ANKDD1A: variants seen among roughly 807,000 people sequenced by gnomAD.
The protein encoded by ANKDD1A is ankyrin repeat and death domain containing 1A, also known as ankyrin repeat and death domain-containing protein 1A.
In ANKDD1A, 59 loss-of-function variants were observed where a neutral mutation model predicts 63.5. The observed-to-expected ratio is 0.93, with a 90% CI of 0.75 to 1.15. The LOEUF is 1.15. ANKDD1A is among the 50% of genes most tolerant of loss of function. ANKDD1A has a pLI of 0.00. For missense variants in ANKDD1A, 632 were observed against 656.4 expected (o/e 0.96, Z 0.41); for synonymous variants, 266 against 263.9 (o/e 1.01, Z -0.08).
chr15:64,921,645 G>A (rs1383023060), intron 3 of ANKDD1A, among the ~76,000 whole-genome samples: 1 of 152,154 alleles, frequency 6.6e-6, no homozygotes, highest in African/African-American at 2.4e-5. Flanking sequence ...AAAGTGCTGG[G>A]ATTACAGGCG....
At chr15:64,952,668 T>TCCTCC (rs2085316579) in intron 14 of ANKDD1A, among the ~76,000 whole-genome samples, 27 of 36,154 alleles carry the variant, frequency 7.5e-4, no homozygotes, top group South Asian at 5.5e-3. Context: ...CTTCCCCTTC[T>TCCTCC]TCCTTCTTCT....
chr15:64,912,837 A>G (rs960450818), intron 1 of ANKDD1A, among the ~76,000 whole-genome samples: 2 of 152,222 alleles, frequency 1.3e-5, no homozygotes, highest in South Asian at 4.1e-4. Context: ...GGGGGTGGGA[A>G]TGCTCAATCA....
In ANKDD1A at chr15:64,931,481, T is replaced by C; in HGVS notation, c.670-6T>C. Reference sequence around the variant, plus strand: ...CCATCCTCATTGCTCTTCTTGTGTGTTGCAGGAAGGTCTGACTGCCCTGCA... The same window carrying C: ...CCATCCTCATTGCTCTTCTTGTGTGCTGCAGGAAGGTCTGACTGCCCTGCA... On this transcript the variant is annotated splice_polypyrimidine_tract_variant and splice_region_variant and intron_variant, in intron 7 of 14. Transcript: ENST00000319580. 1 of 1,613,024 alleles carries C rather than the reference T, an allele frequency of 6.2e-7. No individual in the cohort carries two copies. Among genetic ancestry groups the C allele is most frequent in the East Asian group, 2.2e-5 (1 of 44,856 alleles).
intron 9 of ANKDD1A, among the ~76,000 whole-genome samples, chr15:64,940,951 C>G (rs1265131885): frequency 1.3e-5 from 2 of 152,124 alleles, no homozygotes; most frequent in African/African-American, 2.4e-5. Context: ...CTATGTTGTC[C>G]AGGCTGATCT....
At chr15:64,951,557 T>TCTTCTG (rs2085277896) in intron 14 of ANKDD1A, 2 of 10,438 alleles carry the variant, frequency 1.9e-4, no homozygotes, top group Non-Finnish European at 1.5e-3. Context: ...TTCTCTTCTT[T>TCTTCTG]CTTTTTCTTT....
intron 14 of ANKDD1A, chr15:64,950,176 G>A: frequency 2.0e-6 from 2 of 985,378 alleles, no homozygotes; most frequent in Non-Finnish European, 2.4e-6. Flanking sequence ...GTGCAATGAG[G>A]GTGTTGGCCC....
At chr15:64,912,279 A>G (rs556448602) in intron 1 of ANKDD1A, among the ~76,000 whole-genome samples, 10 of 152,274 alleles carry the variant, frequency 6.6e-5, no homozygotes, top group African/African-American at 2.2e-4. Flanking sequence ...GACCCAGGAG[A>G]GGCACGTCAT....
At chr15:64,951,353 CT>C in intron 14 of ANKDD1A, 8 of 515,050 alleles carry the variant, frequency 1.6e-5, no homozygotes, top group South Asian at 8.7e-5. Flanking sequence ...CTTTCCTCTT[CT>C]TTCTTCTTCC....
chr15:64,937,040 T>G, intron 9 of ANKDD1A, among the ~76,000 whole-genome samples: 1 of 152,186 alleles, frequency 6.6e-6, no homozygotes. Context: ...CCAAAAGTTT[T>G]GCCAAGTGGA....
chr15:64,919,184 A>G (rs1017716865), intron 3 of ANKDD1A, among the ~76,000 whole-genome samples: 1 of 152,114 alleles, frequency 6.6e-6, no homozygotes, highest in African/African-American at 2.4e-5. Context: ...ACTGTGATGT[A>G]TCCCGGAGGT....
chr15:64,943,364 C>A, intron 10 of ANKDD1A, 120 bp from the exon 11 acceptor site: 1 of 791,718 alleles, frequency 1.3e-6, no homozygotes, highest in Non-Finnish European at 2.1e-6. Flanking sequence ...AAACTGAAAA[C>A]ATTCTGCATT....
Position 64,940,585 on chromosome 15 carries a change from A to G in ANKDD1A, c.868-1882A>G, listed in dbSNP as rs184879473. ...GTAGCTGGGACTACAGGCACCCGCCACCAAGCCCGGCTAATTTTTTGTATT... is the reference window on the plus strand; with the variant it reads ...GTAGCTGGGACTACAGGCACCCGCCGCCAAGCCCGGCTAATTTTTTGTATT... On this transcript the variant is annotated intron_variant, in intron 9 of 14. Transcript: ENST00000319580. Among the ~76,000 whole-genome samples the G allele has an allele frequency of 4.4e-3, 613 of 139,466 alleles. 9 individuals carry two copies. Among genetic ancestry groups the G allele is most frequent in the Admixed American group, 0.034 (446 of 13,258 alleles). The allele number at this position is 139,466 out of a possible 152,430, so 91.5% of individuals were successfully genotyped here.
chr15:64,942,693 CT>C, intron 10 of ANKDD1A, 128 bp downstream of exon 10: 1 of 597,422 alleles, frequency 1.7e-6, no homozygotes. Flanking sequence ...TTTTTTTTAG[CT>C]TTTAGAAAGT....
At chr15:64,954,381 T>TCTA (rs1227707114) in intron 14 of ANKDD1A, among the ~76,000 whole-genome samples, 1 of 7,996 alleles carries the variant, frequency 1.3e-4, no homozygotes, top group East Asian at 8.5e-3. Flanking sequence ...TTCCTTTTCT[T>TCTA]TTCTTCTTCT....
At chr15:64,925,996 G>C in intron 4 of ANKDD1A, 70 bp from the exon 5 acceptor site, 1 of 1,401,594 alleles carries the variant, frequency 7.1e-7, no homozygotes, top group Non-Finnish European at 9.9e-7. Flanking sequence ...CTCGCTGTTT[G>C]GGAGACTGGC....
intron 2 of ANKDD1A, 39 bp from the exon 3 acceptor site, chr15:64,917,347 G>A (rs1374571430): frequency 3.2e-6 from 5 of 1,565,442 alleles, no homozygotes; most frequent in Non-Finnish European, 4.3e-6. Flanking sequence ...GCAGCCAGGT[G>A]GCAGCAGCAC....
chr15:64,912,072 C>A, intron 1 of ANKDD1A, 108 bp downstream of exon 1: 1 of 1,092,954 alleles, frequency 9.1e-7, no homozygotes, highest in Non-Finnish European at 1.2e-6. Context: ...CGGCCACCTC[C>A]GTGTGGGGCG....
At chr15:64,956,934 T>G (rs964482524) in intron 14 of ANKDD1A, among the ~76,000 whole-genome samples, 169 bp from the exon 15 acceptor site, 1 of 152,218 alleles carries the variant, frequency 6.6e-6, no homozygotes, top group Non-Finnish European at 1.5e-5. Context: ...AGGGAAAAAA[T>G]AGACAACTTT....
intron 4 of ANKDD1A, chr15:64,922,233 G>T (rs1407785363): frequency 2.5e-5 from 14 of 554,624 alleles, no homozygotes; most frequent in Admixed American, 6.5e-5. Flanking sequence ...ATTTACAAGA[G>T]AGAAATCAAA....
Sources: gnomAD v4.1 joint callset for allele counts (sites outside exome capture counted in the v4.1 genomes callset) on GRCh38, gnomAD v4.1.1 for gene constraint, MANE v1.5 for transcripts, NCBI Gene and HGNC (gene_info 2026-07-23, HGNC 2026-07-21) for gene names.